Variants in CNTN1 observed in about 807,000 individuals in gnomAD.
CNTN1 encodes the protein contactin-1.
A neutral mutation model predicts 126.4 loss-of-function variants in CNTN1; 38 were observed. That is an observed-to-expected ratio of 0.30 (90% CI 0.23 to 0.39). CNTN1 has a LOEUF of 0.39. Among genes scored for constraint, CNTN1 ranks in the 10% least tolerant of loss-of-function variants. The pLI, the probability that CNTN1 is intolerant of heterozygous loss-of-function variation, is 1.00. For synonymous variants in CNTN1, 413 were observed against 422.6 expected, an observed-to-expected ratio of 0.98 and a Z score of 0.28; for missense variants, 1,009 against 1,248.4, an observed-to-expected ratio of 0.81 and a Z score of 2.89.
intron 1 of CNTN1, among the ~76,000 whole-genome samples, chr12:40,869,618 T>C (rs1468344366): frequency 6.6e-6 from 1 of 152,136 alleles, no homozygotes; most frequent in Non-Finnish European, 1.5e-5. Context: ...TTCATCAGAA[T>C]GAACTATAGT....
At chr12:40,932,955 G>C (rs1206498135) in intron 7 of CNTN1, among the ~76,000 whole-genome samples, 2 of 151,350 alleles carry the variant, frequency 1.3e-5, no homozygotes, top group African/African-American at 2.4e-5. Context: ...AGTTTGAAGA[G>C]TGCTGTGTTG....
At chr12:40,739,244 T>C (rs1362911054) in intron 1 of CNTN1, among the ~76,000 whole-genome samples, 2 of 152,016 alleles carry the variant, frequency 1.3e-5, no homozygotes, top group Non-Finnish European at 2.9e-5. Context: ...GCATTTCAAA[T>C]GAGTAAAAAA....
intron 20 of CNTN1, among the ~76,000 whole-genome samples, chr12:41,023,171 A>G (rs1008386161): frequency 1.3e-5 from 2 of 152,078 alleles, no homozygotes; most frequent in African/African-American, 4.8e-5. Context: ...ATGGATCTCT[A>G]TTTTTCTGTG....
intron 1 of CNTN1, among the ~76,000 whole-genome samples, chr12:40,848,615 A>C (rs964485984): frequency 6.6e-6 from 1 of 152,126 alleles, no homozygotes; most frequent in Non-Finnish European, 1.5e-5. Flanking sequence ...AACGATATAG[A>C]TGTAATAAAA....
intron 1 of CNTN1, among the ~76,000 whole-genome samples, chr12:40,862,774 C>A (rs1276085191): frequency 6.6e-6 from 1 of 152,160 alleles, no homozygotes; most frequent in Admixed American, 6.6e-5. Flanking sequence ...AAGACTCCTT[C>A]TTTCACTGAA....
chr12:40,793,051 A>C (rs1940278676), intron 1 of CNTN1, among the ~76,000 whole-genome samples: 3 of 152,040 alleles, frequency 2.0e-5, no homozygotes, highest in Admixed American at 6.6e-5. Context: ...AGATTAACTC[A>C]CAGAAAAAAA....
intron 14 of CNTN1, among the ~76,000 whole-genome samples, chr12:40,945,016 C>T (rs142360963): frequency 8.5e-5 from 13 of 152,148 alleles, no homozygotes; most frequent in Middle Eastern, 3.4e-3. Context: ...CCCATAAAAT[C>T]TGAAGATTGA....
chr12:40,795,496 A>C (rs1940394216), intron 1 of CNTN1, among the ~76,000 whole-genome samples: 1 of 151,898 alleles, frequency 6.6e-6, no homozygotes, highest in Admixed American at 6.6e-5. Context: ...ACATATATTC[A>C]AAATAGATGT....
At chr12:40,837,152 G>A (rs1942089879) in intron 1 of CNTN1, among the ~76,000 whole-genome samples, 1 of 152,168 alleles carries the variant, frequency 6.6e-6, no homozygotes, top group African/African-American at 2.4e-5. Context: ...TTAGGAGATT[G>A]GAGTGGGGCC....
At chr12:40,789,049 A>T (rs938344761) in intron 1 of CNTN1, among the ~76,000 whole-genome samples, 1 of 152,122 alleles carries the variant, frequency 6.6e-6, no homozygotes, top group African/African-American at 2.4e-5. Flanking sequence ...ACATCCACAG[A>T]TTATTTAGTA....
chr12:40,896,300 T>C (rs1017549458), intron 1 of CNTN1, among the ~76,000 whole-genome samples: 12 of 152,280 alleles, frequency 7.9e-5, no homozygotes, highest in Non-Finnish European at 1.3e-4. Flanking sequence ...TGTTTTTTTT[T>C]CCCTCTCTCT....
At chr12:40,914,543 T>C (rs756910307) in intron 3 of CNTN1, among the ~76,000 whole-genome samples, 2 of 152,260 alleles carry the variant, frequency 1.3e-5, no homozygotes, top group Middle Eastern at 3.4e-3. Context: ...AAGAAGAATA[T>C]AGTTATGAAA....
chr12:40,887,570 T>C (rs1944086371), intron 1 of CNTN1, among the ~76,000 whole-genome samples: 1 of 152,120 alleles, frequency 6.6e-6, no homozygotes, highest in South Asian at 2.1e-4. Flanking sequence ...TTGGTGGGAC[T>C]GTAAACTAGT....
In CNTN1 at chr12:40,826,131, C is replaced by T. The variant is rs529709933; in HGVS notation, c.-76-82226C>T. ...TTCTAATTCTTACATTTGTAATTAT[C>T]GTAGGTTTTGTCAATAATTTAGATT... On this transcript the variant is annotated intron_variant, in intron 1 of 23. Coordinates refer to ENST00000551295, the MANE Select transcript of CNTN1 (RefSeq NM_001843.4). Among the ~76,000 whole-genome samples, 17 of 152,184 alleles carry T rather than the reference C, an allele frequency of 1.1e-4. No individual in the cohort carries two copies. The South Asian group carries it at 2.1e-3, about 19-fold the overall frequency.
chr12:40,699,506 C>A (rs2088139443), intron 1 of CNTN1, among the ~76,000 whole-genome samples: 1 of 151,886 alleles, frequency 6.6e-6, no homozygotes, highest in Admixed American at 6.6e-5. Flanking sequence ...CAATAAATAT[C>A]TTTTAAATAA....
intron 23 of CNTN1, among the ~76,000 whole-genome samples, chr12:41,033,670 G>A (rs1374333329): frequency 3.3e-5 from 5 of 151,968 alleles, no homozygotes; most frequent in Non-Finnish European, 7.4e-5. Flanking sequence ...GGTGATTGTC[G>A]AAAATATGTA....
intron 1 of CNTN1, among the ~76,000 whole-genome samples, chr12:40,838,842 A>AC (rs1271281678): frequency 5.3e-5 from 8 of 151,040 alleles, no homozygotes; most frequent in African/African-American, 1.9e-4. Context: ...ATATCAATGC[A>AC]AGGATACATG....
chr12:41,058,189 C>T (rs1949866662), intron 23 of CNTN1, among the ~76,000 whole-genome samples: 1 of 152,032 alleles, frequency 6.6e-6, no homozygotes, highest in South Asian at 2.1e-4. Flanking sequence ...TCAATGCTCC[C>T]AAGCTTCTTT....
At chr12:40,926,670 C>T (rs1408837392) in intron 6 of CNTN1, among the ~76,000 whole-genome samples, 2 of 151,802 alleles carry the variant, frequency 1.3e-5, no homozygotes, top group Admixed American at 6.6e-5. Flanking sequence ...GGAGGTATTG[C>T]AATAGTTTAG....
Sources: gnomAD v4.1 joint callset for allele counts (sites outside exome capture counted in the v4.1 genomes callset) on GRCh38, gnomAD v4.1.1 for gene constraint, MANE v1.5 for transcripts, NCBI Gene and HGNC (gene_info 2026-07-23, HGNC 2026-07-21) for gene names.